RBFOX1: variants seen among roughly 807,000 people sequenced by gnomAD.
RBFOX1 encodes the protein RNA binding protein fox-1 homolog 1.
Under a neutral mutation model 57.7 loss-of-function variants are expected in RBFOX1, and 8 were observed. The ratio of observed to expected loss-of-function variants is 0.14; its 90% confidence interval spans 0.08 to 0.25. RBFOX1 has a LOEUF of 0.25. Among genes scored for constraint, RBFOX1 ranks in the 10% least tolerant of loss-of-function variants. The pLI, the probability that RBFOX1 is intolerant of heterozygous loss-of-function variation, is 1.00. For missense variants in RBFOX1, 611 were observed against 548.5 expected (o/e 1.11, Z -1.14); for synonymous variants, 326 against 222.4 (o/e 1.47, Z -4.15).
Position 6,399,246 on chromosome 16 carries a change from A to G in RBFOX1, c.-64+82189A>G, listed in dbSNP as rs537198520. ...GCCCATGAAACCACTTTTCCCTCCT[A>G]GGCCTCTGGTCCTGTGATGGGAGGG... On this transcript the variant is annotated intron_variant, in intron 2 of 15. Coordinates refer to ENST00000550418, the MANE Select transcript of RBFOX1 (RefSeq NM_018723.4). Among the ~76,000 whole-genome samples the G allele has an allele frequency of 2.8e-3, 433 of 152,330 alleles. 2 individuals carry two copies. Among genetic ancestry groups the G allele is most frequent in the African/African-American group, 8.7e-3 (363 of 41,578 alleles).
At chr16:5,513,572 C>T (rs1597363120) in intron 2 of RBFOX1, among the ~76,000 whole-genome samples, 1 of 152,260 alleles carries the variant, frequency 6.6e-6, no homozygotes, top group East Asian at 1.9e-4. Flanking sequence ...TTTTTGTTTG[C>T]TTTCATTGAT....
chr16:7,497,173 C>G (rs879624554), intron 4 of RBFOX1, among the ~76,000 whole-genome samples: 1 of 152,176 alleles, frequency 6.6e-6, no homozygotes, highest in Non-Finnish European at 1.5e-5. Context: ...CAAATACAAA[C>G]TACTTTATGT....
intron 9 of RBFOX1, among the ~76,000 whole-genome samples, chr16:7,605,347 A>G (rs2095243800): frequency 6.6e-6 from 1 of 152,178 alleles, no homozygotes; most frequent in Non-Finnish European, 1.5e-5. Context: ...AGAAACCGCT[A>G]GGGCAGTAGG....
At chr16:6,240,068 TA>T (rs1428458033) in intron 1 of RBFOX1, among the ~76,000 whole-genome samples, 1 of 152,084 alleles carries the variant, frequency 6.6e-6, no homozygotes, top group Non-Finnish European at 1.5e-5. Context: ...TCTGGTCATT[TA>T]AACGCATCTC....
intron 4 of RBFOX1, among the ~76,000 whole-genome samples, chr16:7,157,870 C>G (rs780196365): frequency 1.3e-5 from 2 of 152,176 alleles, no homozygotes; most frequent in African/African-American, 2.4e-5. Context: ...AAATATATTT[C>G]AGCTTCTCTG....
In RBFOX1 at chr16:7,572,323, G is replaced by A. The variant is rs78766780; in HGVS notation, c.271-7454G>A. ...CATGAAGTGAGCAGACTTGCAGGTC[G>A]CTCATGGTAAGGCTTAGTCATTTAC... On this transcript the variant is annotated intron_variant, in intron 5 of 15. Transcript: ENST00000550418. Among the ~76,000 whole-genome samples the A allele has an allele frequency of 4.9e-3, 740 of 152,252 alleles. 3 individuals carry two copies. The highest frequency in any genetic ancestry group is 0.014 in the African/African-American group (588 of 41,552).
intron 1 of RBFOX1, among the ~76,000 whole-genome samples, chr16:5,289,626 C>G (rs574402829): frequency 3.5e-4 from 53 of 150,826 alleles, no homozygotes; most frequent in African/African-American, 1.3e-3. Context: ...TAAATATGTG[C>G]CTTGCATCAT....
chr16:5,634,313 T>C (rs1209895841), intron 3 of RBFOX1, among the ~76,000 whole-genome samples: 4 of 152,186 alleles, frequency 2.6e-5, no homozygotes, highest in African/African-American at 4.8e-5. Context: ...CTCCATACTT[T>C]ATACAGAGTG....
At chr16:7,454,047 A>G (rs1479692005) in intron 4 of RBFOX1, among the ~76,000 whole-genome samples, 1 of 152,218 alleles carries the variant, frequency 6.6e-6, no homozygotes, top group African/African-American at 2.4e-5. Flanking sequence ...AGCCTCACCA[A>G]CATGGTGAAA....
At chr16:6,363,589 C>G (rs2089017903) in intron 2 of RBFOX1, among the ~76,000 whole-genome samples, 1 of 152,190 alleles carries the variant, frequency 6.6e-6, no homozygotes, top group African/African-American at 2.4e-5. Context: ...GAATGAGTGT[C>G]ACATTTTTGA....
intron 4 of RBFOX1, among the ~76,000 whole-genome samples, chr16:7,494,890 T>A (rs1218340318): frequency 1.4e-5 from 2 of 143,064 alleles, no homozygotes; most frequent in Admixed American, 1.5e-4. Flanking sequence ...ATACAGGAGG[T>A]ACATGTGTAG....
intron 3 of RBFOX1, among the ~76,000 whole-genome samples, chr16:5,757,524 C>A (rs2053444097): frequency 6.6e-6 from 1 of 152,020 alleles, no homozygotes; most frequent in African/African-American, 2.4e-5. Flanking sequence ...GTCACCACAC[C>A]CAGCCGGGTG....
intron 3 of RBFOX1, among the ~76,000 whole-genome samples, chr16:6,754,031 T>C (rs2075387072): frequency 1.3e-5 from 2 of 152,168 alleles, no homozygotes; most frequent in African/African-American, 4.8e-5. Context: ...TGCTGAGTAG[T>C]TTATCCAATA....
chr16:6,096,842 A>C (rs1323799172), intron 1 of RBFOX1, among the ~76,000 whole-genome samples: 1 of 152,226 alleles, frequency 6.6e-6, no homozygotes, highest in Admixed American at 6.5e-5. Context: ...TGGCCAGGTC[A>C]TCAGCCTCCG....
intron 4 of RBFOX1, among the ~76,000 whole-genome samples, chr16:7,198,659 G>A (rs188598508): frequency 1.3e-5 from 2 of 152,274 alleles, no homozygotes; most frequent in East Asian, 1.9e-4. Flanking sequence ...AAGGGCAAGA[G>A]GGAAGAATAG....
chr16:6,045,685 T>C (rs748864084), intron 1 of RBFOX1, among the ~76,000 whole-genome samples: 5 of 152,166 alleles, frequency 3.3e-5, no homozygotes, highest in Non-Finnish European at 5.9e-5. Context: ...TAAATAAATA[T>C]GAGTCAACAA....
intron 1 of RBFOX1, among the ~76,000 whole-genome samples, chr16:5,268,928 T>C (rs1596346873): frequency 6.6e-6 from 1 of 152,212 alleles, no homozygotes; most frequent in Non-Finnish European, 1.5e-5. Flanking sequence ...TTTTTTTTTT[T>C]TTTTGAGACG....
At chr16:7,493,174 G>C (rs985370833) in intron 4 of RBFOX1, among the ~76,000 whole-genome samples, 1 of 152,146 alleles carries the variant, frequency 6.6e-6, no homozygotes, top group African/African-American at 2.4e-5. Flanking sequence ...GCCACTGTGC[G>C]CAGCCTTAAG....
At chr16:5,618,386 G>A (rs1199509757) in intron 3 of RBFOX1, among the ~76,000 whole-genome samples, 2 of 152,016 alleles carry the variant, frequency 1.3e-5, no homozygotes, top group African/African-American at 2.4e-5. Flanking sequence ...CACCCAGGCT[G>A]CAGTGCAGTG....
Sources: allele counts gnomAD v4.1 joint callset (sites outside exome capture counted in the v4.1 genomes callset), GRCh38; gene constraint gnomAD v4.1.1; transcripts MANE v1.5; gene names NCBI Gene and HGNC (gene_info 2026-07-23, HGNC 2026-07-21).